Variants in ACAT2 observed in about 807,000 individuals in gnomAD.
The protein encoded by ACAT2 is acetyl-CoA acetyltransferase, cytosolic.
Under a neutral mutation model 37.1 loss-of-function variants are expected in ACAT2, and 26 were observed. That is an observed-to-expected ratio of 0.70 (90% CI 0.51 to 0.97). The LOEUF is 0.97. ACAT2 is among the 50% of genes least tolerant of loss of function. The probability of loss-of-function intolerance (pLI) is 0.00; values close to 1 mark genes in which losing one functional copy is unlikely to be tolerated. For missense variants in ACAT2, 468 were observed against 489.0 expected (o/e 0.96, Z 0.40); for synonymous variants, 156 against 163.6 (o/e 0.95, Z 0.35).
In ACAT2 at chr6:159,764,657, C is replaced by T. The variant is rs150098668; in HGVS notation, c.190+1604C>T. The stretch of plus-strand genomic sequence containing the variant: ...AAGTGGAGTCTGTCTGTTGCCTGGG[C>T]GTGAGTGCAATGGCTGTTCACAGGC... On this transcript the variant is annotated intron_variant, in intron 2 of 8. Coordinates refer to ENST00000367048, the MANE Select transcript of ACAT2 (RefSeq NM_005891.3). 6.4e-3 allele frequency among the ~76,000 whole-genome samples: 967 copies of T among 152,166 alleles called. 11 individuals carry two copies. Among genetic ancestry groups the T allele is most frequent in the African/African-American group, 0.022 (922 of 41,510 alleles).
intron 1 of ACAT2, chr6:159,762,496 G>T: frequency 1.5e-6 from 2 of 1,307,378 alleles, no homozygotes; most frequent in Non-Finnish European, 2.0e-6. Context: ...CCTGCGGCAG[G>T]GGCGGAACTG....
chr6:159,769,041 C>G (rs867421246), intron 4 of ACAT2, among the ~76,000 whole-genome samples: 4 of 152,122 alleles, frequency 2.6e-5, no homozygotes, highest in Non-Finnish European at 5.9e-5. Flanking sequence ...ACTGGGAAAT[C>G]AAAAGCACTC....
intron 2 of ACAT2, among the ~76,000 whole-genome samples, chr6:159,766,724 G>A (rs1332876636): frequency 6.6e-6 from 1 of 152,150 alleles, no homozygotes; most frequent in African/African-American, 2.4e-5. Context: ...CAAAAGATGA[G>A]GATGACACTT....
At chr6:159,765,039 CAG>C (rs1403816873) in intron 2 of ACAT2, among the ~76,000 whole-genome samples, 3 of 152,224 alleles carry the variant, frequency 2.0e-5, no homozygotes, top group African/African-American at 7.2e-5. Flanking sequence ...ATGTTCATAT[CAG>C]ATAGAAATTC....
chr6:159,762,488 T>C, intron 1 of ACAT2: 1 of 1,310,000 alleles, frequency 7.6e-7, no homozygotes, highest in Non-Finnish European at 9.8e-7. Flanking sequence ...CGGTAATGCC[T>C]GCGGCAGGGG....
At chr6:159,771,322 T>C (rs1192277418) in intron 4 of ACAT2, among the ~76,000 whole-genome samples, 4 of 151,746 alleles carry the variant, frequency 2.6e-5, no homozygotes, top group African/African-American at 9.7e-5. Context: ...GGAGGTTGCG[T>C]TGAGCTGAGA....
chr6:159,762,541 G>C, intron 1 of ACAT2: 1 of 1,309,468 alleles, frequency 7.6e-7, no homozygotes, highest in Admixed American at 2.8e-5. Context: ...GGCTGGGGTC[G>C]GGCTGTCACA....
intron 2 of ACAT2, 67 bp downstream of exon 2, chr6:159,763,120 A>ACACTCTCT: frequency 6.5e-7 from 1 of 1,528,884 alleles, no homozygotes; most frequent in Non-Finnish European, 8.8e-7. Flanking sequence ...ACACACACAC[A>ACACTCTCT]CACACTCTCA....
intron 2 of ACAT2, among the ~76,000 whole-genome samples, chr6:159,765,834 C>T (rs576888237): frequency 1.3e-5 from 2 of 152,192 alleles, no homozygotes; most frequent in African/African-American, 4.8e-5. Context: ...CCAGCCTAAT[C>T]CCAGATTGAT....
intron 4 of ACAT2, 69 bp from the exon 5 acceptor site, chr6:159,775,101 G>T: frequency 6.4e-7 from 1 of 1,551,184 alleles, no homozygotes; most frequent in Non-Finnish European, 8.8e-7. Flanking sequence ...GGTCAAATGT[G>T]GACGACTTGA....
chr6:159,777,868 G>A (rs1252516768), intron 7 of ACAT2, among the ~76,000 whole-genome samples: 1 of 152,180 alleles, frequency 6.6e-6, no homozygotes, highest in East Asian at 1.9e-4. Context: ...TGGATCACAT[G>A]CTTTCTAGGG....
In ACAT2 at chr6:159,778,162, T is replaced by C. The variant is rs1384601565; in HGVS notation, c.913-8T>C. On this transcript the variant is annotated splice_region_variant and splice_polypyrimidine_tract_variant and intron_variant, in intron 7 of 8. Coordinates refer to ENST00000367048, the MANE Select transcript of ACAT2 (RefSeq NM_005891.3). The stretch of plus-strand genomic sequence containing the variant: ...TTTAGACCTCTTTTCTATGAATCTT[T>C]CCTCTAGGTTACAAAAGCAGGTTGG... 2.5e-6 allele frequency: 4 copies of C among 1,593,306 alleles called. No individual in the cohort carries two copies. The highest frequency in any genetic ancestry group is 1.7e-5 in the Admixed American group (1 of 58,736).
At chr6:159,762,342 G>C in intron 1 of ACAT2, 200 bp downstream of exon 1, 1 of 1,245,140 alleles carries the variant, frequency 8.0e-7, no homozygotes, top group Non-Finnish European at 1.1e-6. Flanking sequence ...CTCCTCTCCC[G>C]ATGTGCGCAC....
Position 159,777,443 on chromosome 6 carries a change from C to T in ACAT2, c.899C>T (p.Ala300Val). The T allele has an allele frequency of 6.2e-7, 1 of 1,613,088 alleles. No homozygotes were observed. The highest frequency in any genetic ancestry group is 8.5e-7 in the Non-Finnish European group (1 of 1,179,718). ...PSIMGIGPIP[A>V]IKQAVTKAGW... is the part of the protein sequence containing the mutation. ...ATTATGGGAATAGGACCAATTCCAGCCATAAAGCAAGCTGTGAGTATAACC... is the reference window on the plus strand; with the variant it reads ...ATTATGGGAATAGGACCAATTCCAGTCATAAAGCAAGCTGTGAGTATAACC... The change falls in exon 7 of 9, where the codon GCC (alanine) becomes GTC (valine). Residue 300 changes from alanine (A) to valine (V), a missense_variant. By Grantham distance (64) the Ala-to-Val change is moderately conservative. Coordinates refer to ENST00000367048, the MANE Select transcript of ACAT2 (RefSeq NM_005891.3).
At chr6:159,763,167 C>T in intron 2 of ACAT2, 114 bp downstream of exon 2, 1 of 1,421,896 alleles carries the variant, frequency 7.0e-7, no homozygotes, top group Non-Finnish European at 9.4e-7. Flanking sequence ...CAAGTTCTTG[C>T]CTCCTTGCTT....
chr6:159,766,179 T>C (rs1362778748), intron 2 of ACAT2, among the ~76,000 whole-genome samples: 1 of 152,242 alleles, frequency 6.6e-6, no homozygotes, highest in East Asian at 1.9e-4. Context: ...AGTTTGTATA[T>C]ATTTTGTTAT....
intron 7 of ACAT2, 27 bp downstream of exon 7, chr6:159,777,483 G>T (rs140757175): frequency 2.5e-6 from 4 of 1,595,788 alleles, no homozygotes; most frequent in Non-Finnish European, 3.4e-6. Flanking sequence ...TCCCTTTTAT[G>T]AAATTTGTCT....
In ACAT2 at chr6:159,762,970, C is replaced by G; in HGVS notation, c.107C>G (p.Thr36Ser). 2 of 1,614,160 alleles carry G rather than the reference C, an allele frequency of 1.2e-6. No homozygotes were observed. Among genetic ancestry groups the G allele is most frequent in the Non-Finnish European group, 1.7e-6 (2 of 1,180,012 alleles). ...AAVPVQDLGS[T>S]VIKEVLKRAT... The stretch of plus-strand genomic sequence containing the variant: ...GTTCCTGTCCAGGACCTGGGCTCCA[C>G]TGTCATCAAAGAAGTCTTGAAGAGG... Residue 36 changes from threonine (T) to serine (S), a missense_variant, in exon 2 of 9, where the codon ACT becomes AGT. Coordinates refer to ENST00000367048, the MANE Select transcript of ACAT2 (RefSeq NM_005891.3).
At chr6:159,772,883 TTG>T (rs1220421862) in intron 4 of ACAT2, among the ~76,000 whole-genome samples, 5 of 152,072 alleles carry the variant, frequency 3.3e-5, no homozygotes, top group Admixed American at 1.3e-4. Context: ...AATAACTTTT[TTG>T]TGTGTGTGTG....
Sources: allele counts gnomAD v4.1 joint callset (sites outside exome capture counted in the v4.1 genomes callset), GRCh38; gene constraint gnomAD v4.1.1; transcripts MANE v1.5; gene names NCBI Gene and HGNC (gene_info 2026-07-23, HGNC 2026-07-21).